The following LSM6 variants were observed in gnomAD, a reference collection of about 807,000 sequenced individuals.
LSM6 encodes U6 snRNA-associated Sm-like protein LSm6.
LSM6 carries 2 observed loss-of-function variants against 13.5 expected under a neutral mutation model. That is an observed-to-expected ratio of 0.15 (90% CI 0.06 to 0.47). The LOEUF is 0.47. Ranked by LOEUF, LSM6 falls within the 20% of genes least tolerant of loss-of-function variation. The pLI is 0.97. For missense variants in LSM6, 58 were observed against 96.4 expected (o/e 0.60, Z 1.67); for synonymous variants, 43 against 34.9 (o/e 1.23, Z -0.82).
chr4:146,188,751 A>T (rs1730401983), intron 3 of LSM6, among the ~76,000 whole-genome samples: 1 of 152,192 alleles, frequency 6.6e-6, no homozygotes, highest in African/African-American at 2.4e-5. Flanking sequence ...TAAGCAGAAC[A>T]TTAGGTAACA....
chr4:146,184,805 A>G (rs906923968), intron 2 of LSM6, among the ~76,000 whole-genome samples: 1 of 152,192 alleles, frequency 6.6e-6, no homozygotes, highest in African/African-American at 2.4e-5. Context: ...AGAAATGTAA[A>G]AGGAAATAAT....
intron 1 of LSM6, among the ~76,000 whole-genome samples, chr4:146,182,671 T>A (rs562237458): frequency 2.0e-5 from 3 of 152,362 alleles, no homozygotes; most frequent in African/African-American, 7.2e-5. Flanking sequence ...AATGAGACTG[T>A]GCCATGGTGT....
At chr4:146,187,768 G>A (rs752772228) in intron 3 of LSM6, among the ~76,000 whole-genome samples, 19 of 152,108 alleles carry the variant, frequency 1.2e-4, no homozygotes, top group South Asian at 2.1e-4. Flanking sequence ...TTGGCAGTTC[G>A]TCCTATTTGT....
intron 1 of LSM6, among the ~76,000 whole-genome samples, chr4:146,176,914 T>C (rs1044320375): frequency 2.0e-5 from 3 of 152,190 alleles, no homozygotes; most frequent in Non-Finnish European, 4.4e-5. Flanking sequence ...CTGAAAGGTC[T>C]GTTTTAGGCC....
intron 1 of LSM6, among the ~76,000 whole-genome samples, chr4:146,178,748 C>A (rs1449695079): frequency 2.0e-5 from 3 of 152,210 alleles, no homozygotes; most frequent in Non-Finnish European, 4.4e-5. Context: ...GGCTAATTTA[C>A]AGCACTTTGT....
At chr4:146,183,596 A>T (rs909026292) in intron 2 of LSM6, 15 of 152,764 alleles carry the variant, frequency 9.8e-5, no homozygotes, top group Non-Finnish European at 2.0e-4. Flanking sequence ...TGAATTTCTT[A>T]TCTTCCAAGC....
At chr4:146,179,472 A>G (rs1251290020) in intron 1 of LSM6, among the ~76,000 whole-genome samples, 4 of 152,228 alleles carry the variant, frequency 2.6e-5, no homozygotes, top group Non-Finnish European at 2.9e-5. Flanking sequence ...ATGAAGACTA[A>G]TGTAAAAGAT....
rs116933671 is a variant in LSM6 at position 146,188,540 on chromosome 4, T to C, written c.209-1082T>C. 1.6e-4 allele frequency among the ~76,000 whole-genome samples: 24 copies of C among 152,324 alleles called. No individual in the cohort carries two copies. In the East Asian group the frequency reaches 3.5e-3, roughly 22 times the overall value. On this transcript the variant is annotated intron_variant, in intron 3 of 3. Transcript: ENST00000296581. ...GGCTCTTAAAGAGGATCTTGACTTA[T>C]TTGATTCATCTGTGCTATGTTCTTT...
chr4:146,183,500 A>AGAGAATAT (rs1730276717), intron 2 of LSM6: 1 of 152,304 alleles, frequency 6.6e-6, no homozygotes, highest in Non-Finnish European at 1.5e-5. Context: ...CTGTTCTTGG[A>AGAGAATAT]GAGAATATTA....
At chr4:146,183,142 A>T in intron 2 of LSM6, 127 bp downstream of exon 2, 1 of 614,992 alleles carries the variant, frequency 1.6e-6, no homozygotes, top group Non-Finnish European at 3.0e-6. Flanking sequence ...GTTTTTATGC[A>T]TATATCTTTT....
chr4:146,185,450 G>A (rs1210839960), intron 2 of LSM6, among the ~76,000 whole-genome samples: 5 of 147,864 alleles, frequency 3.4e-5, no homozygotes, highest in African/African-American at 1.0e-4. Context: ...CTAAAGGAAC[G>A]TGCTTATTTT....
intron 2 of LSM6, among the ~76,000 whole-genome samples, chr4:146,185,936 C>T (rs1357310462): frequency 6.6e-6 from 1 of 152,010 alleles, no homozygotes; most frequent in Non-Finnish European, 1.5e-5. Context: ...GGGGTTTCGC[C>T]ATGTTAGCCA....
rs1730432556 is a variant in LSM6 at position 146,189,876 on chromosome 4, T to C, written c.*220T>C. The C allele has an allele frequency of 9.1e-5, 42 of 461,232 alleles. 1 individual carries two copies. In the South Asian group the frequency reaches 1.7e-3, roughly 18 times the overall value. The allele number at this position is 461,232 out of a possible 1,614,324, so 28.6% of individuals were successfully genotyped here. The stretch of plus-strand genomic sequence containing the variant: ...ATTTTCTTTTACCTCGTTGTCAGTG[T>C]ACAGAATGCTAAAATAATTAAAAAA... On this transcript the variant is annotated 3_prime_UTR_variant, in exon 4 of 4. Coordinates refer to ENST00000296581, the MANE Select transcript of LSM6 (RefSeq NM_007080.3).
chr4:146,187,264 A>G lies in LSM6; in HGVS notation c.95-10A>G. 5 of 1,527,616 alleles carry G rather than the reference A, an allele frequency of 3.3e-6. No individual in the cohort carries two copies. Among genetic ancestry groups the G allele is most frequent in the Non-Finnish European group, 3.6e-6 (4 of 1,102,330 alleles). The allele number at this position is 1,527,616 out of a possible 1,614,324, so 94.6% of individuals were successfully genotyped here. A position where few individuals can be genotyped will look rare whatever the true frequency, so the allele number is the denominator to read the frequency against. ...TTGTGTATCTTCTTTTTGACTAAAT[A>G]TGTCTGCAGGGGTCCTGGCTTGCCT... On this transcript the variant is annotated splice_polypyrimidine_tract_variant and intron_variant, in intron 2 of 3. Coordinates refer to ENST00000296581, the MANE Select transcript of LSM6 (RefSeq NM_007080.3).
chr4:146,189,002 T>C (rs1245355292), intron 3 of LSM6, among the ~76,000 whole-genome samples: 1 of 150,878 alleles, frequency 6.6e-6, no homozygotes, highest in African/African-American at 2.4e-5. Context: ...TTTTTTTTTT[T>C]TTCCTGAGAT....
At chr4:146,187,492 CTTGA>C (rs1207660566) in intron 3 of LSM6, 105 bp downstream of exon 3, 2 of 633,324 alleles carry the variant, frequency 3.2e-6, no homozygotes, top group Non-Finnish European at 5.4e-6. Context: ...CACTTTTAGG[CTTGA>C]TTATTTTAAA....
rs1730451661 is a variant in LSM6, at chr4:146,190,707, T to C, written c.*1051T>C. The C allele has an allele frequency of 6.6e-6, 1 of 152,250 alleles. No homozygotes were observed. The highest frequency in any genetic ancestry group is 1.5e-5 in the Non-Finnish European group (1 of 68,064). The allele number at this position is 152,250 out of a possible 1,614,324, so 9.4% of individuals were successfully genotyped here. ...TTAATGAGCTTTCCACAACCCTGCTTTATTCTCCAAACAGTTTTACGCTGT... is the reference window on the plus strand; with the variant it reads ...TTAATGAGCTTTCCACAACCCTGCTCTATTCTCCAAACAGTTTTACGCTGT... On this transcript the variant is annotated 3_prime_UTR_variant, in exon 4 of 4. Coordinates refer to ENST00000296581, the MANE Select transcript of LSM6 (RefSeq NM_007080.3).
At chr4:146,186,981 T>C (rs890445793) in intron 2 of LSM6, among the ~76,000 whole-genome samples, 3 of 152,232 alleles carry the variant, frequency 2.0e-5, no homozygotes, top group African/African-American at 7.2e-5. Context: ...TCTTATTCTC[T>C]TACTTTTTTG....
At chr4:146,188,597 G>T (rs1467608144) in intron 3 of LSM6, among the ~76,000 whole-genome samples, 3 of 152,176 alleles carry the variant, frequency 2.0e-5, no homozygotes, top group Non-Finnish European at 4.4e-5. Context: ...GCTTTGAGCA[G>T]ACCTCTCAGA....
Sources: gnomAD v4.1 joint callset for allele counts (sites outside exome capture counted in the v4.1 genomes callset) on GRCh38, gnomAD v4.1.1 for gene constraint, MANE v1.5 for transcripts, NCBI Gene and HGNC (gene_info 2026-07-23, HGNC 2026-07-21) for gene names.